Variants in NNT observed in about 807,000 individuals in gnomAD.
The protein encoded by NNT is NAD(P) transhydrogenase, mitochondrial.
A neutral mutation model predicts 104.8 loss-of-function variants in NNT; 50 were observed. That is an observed-to-expected ratio of 0.48 (90% CI 0.38 to 0.60). NNT has a LOEUF of 0.60. NNT is among the 20% of genes least tolerant of loss of function. The pLI is 0.00. For synonymous variants in NNT, 461 were observed against 490.4 expected, an observed-to-expected ratio of 0.94 and a Z score of 0.79; for missense variants, 1,131 against 1,330.7, an observed-to-expected ratio of 0.85 and a Z score of 2.33.
At position 43,649,021 on chromosome 5, in the gene NNT, G is replaced by A. The variant is rs1284772648; in HGVS notation, c.1445-126G>A. The A allele has an allele frequency of 3.7e-6, 4 of 1,079,782 alleles. No homozygotes were observed. In the African/African-American group the frequency reaches 6.3e-5, roughly 17 times the overall value. 66.9% of individuals were successfully genotyped at this position (1,079,782 alleles called of 1,614,324 possible). On this transcript the variant is annotated intron_variant, in intron 10 of 21. Transcript: ENST00000344920. The stretch of plus-strand genomic sequence containing the variant: ...CAACTGTCAAATGTCTAAAAAATCT[G>A]CTCATTACTGGCAAGGGAGTGGAAT...
At chr5:43,622,603 A>C (rs1276454477) in intron 5 of NNT, among the ~76,000 whole-genome samples, 1 of 152,170 alleles carries the variant, frequency 6.6e-6, no homozygotes, top group Non-Finnish European at 1.5e-5. Context: ...ACGGTGTAAC[A>C]GTTAGCAGTA....
intron 6 of NNT, among the ~76,000 whole-genome samples, chr5:43,627,969 A>G (rs1750456927): frequency 6.6e-6 from 1 of 152,180 alleles, no homozygotes; most frequent in Non-Finnish European, 1.5e-5. Flanking sequence ...CAACTTAACT[A>G]AGTAGAAGTT....
intron 7 of NNT, among the ~76,000 whole-genome samples, chr5:43,642,186 T>C (rs1051332434): frequency 1.3e-5 from 2 of 152,052 alleles, no homozygotes; most frequent in African/African-American, 4.8e-5. Flanking sequence ...AGCTGATAAA[T>C]AGAGAAGAGG....
intron 7 of NNT, among the ~76,000 whole-genome samples, chr5:43,631,168 G>T (rs1358272961): frequency 6.6e-6 from 1 of 152,196 alleles, no homozygotes; most frequent in Non-Finnish European, 1.5e-5. Context: ...ACAGGTAGGA[G>T]TCTGATATGG....
intron 7 of NNT, among the ~76,000 whole-genome samples, chr5:43,632,491 C>T (rs1382274066): frequency 6.6e-6 from 1 of 152,134 alleles, no homozygotes; most frequent in South Asian, 2.1e-4. Flanking sequence ...CTTGTACTTA[C>T]GTAGATTGTA....
chr5:43,612,741 A>C (rs1749562649), intron 2 of NNT, among the ~76,000 whole-genome samples, 167 bp from the exon 3 acceptor site: 1 of 152,228 alleles, frequency 6.6e-6, no homozygotes, highest in East Asian at 1.9e-4. Context: ...ACAAAAGTCA[A>C]AGAATTATAA....
In NNT at chr5:43,645,337, T is replaced by C. The variant is rs965449389; in HGVS notation, c.1291-20T>C. 1.4e-6 allele frequency: 2 copies of C among 1,420,496 alleles called. No homozygotes were observed. The highest frequency in any genetic ancestry group is 1.9e-6 in the Non-Finnish European group (2 of 1,078,782). 88.0% of individuals were successfully genotyped at this position (1,420,496 alleles called of 1,614,324 possible). On this transcript the variant is annotated intron_variant, in intron 9 of 21. Coordinates refer to ENST00000344920, the MANE Select transcript of NNT (RefSeq NM_182977.3). Reference sequence around the variant, plus strand: ...GCTGGATTGACTTTTTAATACGTACTATTTTTTAATGTCTATTAGGATGGT... The same window carrying C: ...GCTGGATTGACTTTTTAATACGTACCATTTTTTAATGTCTATTAGGATGGT...
chr5:43,668,129 T>G (rs1237030055), intron 17 of NNT, among the ~76,000 whole-genome samples: 2 of 152,218 alleles, frequency 1.3e-5, no homozygotes, highest in Non-Finnish European at 2.9e-5. Flanking sequence ...TGTTTTTTTC[T>G]TGTAAATTTG....
At chr5:43,641,584 G>A (rs1273194963) in intron 7 of NNT, among the ~76,000 whole-genome samples, 3 of 151,924 alleles carry the variant, frequency 2.0e-5, no homozygotes, top group African/African-American at 7.3e-5. Flanking sequence ...ATTAATCTAT[G>A]TATATATAAA....
intron 17 of NNT, among the ~76,000 whole-genome samples, chr5:43,672,331 C>G (rs1741151587): frequency 1.3e-5 from 2 of 152,250 alleles, no homozygotes; most frequent in African/African-American, 4.8e-5. Context: ...TGGCGAGGAG[C>G]TGCGTTCCTT....
intron 19 of NNT, among the ~76,000 whole-genome samples, chr5:43,689,925 A>G (rs1580120125): frequency 6.6e-6 from 1 of 152,302 alleles, no homozygotes; most frequent in East Asian, 1.9e-4. Flanking sequence ...TTCAGAGATC[A>G]AAGATAAGCC....
At chr5:43,700,604 G>A (rs1035230369) in intron 20 of NNT, among the ~76,000 whole-genome samples, 8 of 152,146 alleles carry the variant, frequency 5.3e-5, no homozygotes, top group Non-Finnish European at 1.0e-4. Context: ...TGCTTCTGTT[G>A]ATAATTTAGT....
At position 43,649,167 on chromosome 5, in the gene NNT, T is replaced by A; in HGVS notation, c.1465T>A (p.Leu489Met). 1 of 1,614,176 alleles carries A rather than the reference T, an allele frequency of 6.2e-7. No homozygotes were observed. The highest frequency in any genetic ancestry group is 8.5e-7 in the Non-Finnish European group (1 of 1,180,002). Reference sequence around the variant, plus strand: ...TCTAGGTCTCACAGGGATACTGGGTTTGGGCATTGCGGCTCCCAATCTAGC... The same window carrying A: ...TCTAGGTCTCACAGGGATACTGGGTATGGGCATTGCGGCTCCCAATCTAGC... The part of the protein sequence containing the change: ...YTAGLTGILG[L>M]GIAAPNLAFS... Residue 489 changes from leucine to methionine, a missense_variant, in exon 11 of 22, where the codon TTG becomes ATG. Transcript: ENST00000344920.
At chr5:43,649,044 AATTTAAAAGCATTGGCT>A in intron 10 of NNT, 86 bp from the exon 11 acceptor site, 1 of 1,312,670 alleles carries the variant, frequency 7.6e-7, no homozygotes, top group South Asian at 1.4e-5. Context: ...AAGGGAGTGG[AATTTAAAAGCATTGGCT>A]ATTCCACATA....
At chr5:43,637,476 A>G (rs1054811792) in intron 7 of NNT, among the ~76,000 whole-genome samples, 2 of 152,142 alleles carry the variant, frequency 1.3e-5, no homozygotes, top group Non-Finnish European at 2.9e-5. Flanking sequence ...AGCTGCCAGA[A>G]ACAGAAATTC....
intron 17 of NNT, among the ~76,000 whole-genome samples, chr5:43,672,920 G>A (rs1420503966): frequency 2.6e-5 from 4 of 152,216 alleles, no homozygotes. Flanking sequence ...CTTGAGCTGC[G>A]GTGGGCTCCA....
At position 43,615,915 on chromosome 5, in the gene NNT, C is replaced by G. The variant is rs775681133; in HGVS notation, c.449C>G (p.Thr150Arg). 1.1e-5 allele frequency: 17 copies of G among 1,613,982 alleles called. No homozygotes were observed. Among genetic ancestry groups the G allele is most frequent in the African/African-American group, 1.3e-5 (1 of 74,898 alleles). ...GCTGACCTTTTAAAGACATCAGGAA[C>G]GCTGATTAGTTTTATTTACCCAGCC... ...HEADLLKTSG[T>R]LISFIYPAQN... The change falls in exon 4 of 22, where the codon ACG (threonine) becomes AGG (arginine). Residue 150 changes from threonine to arginine, a missense_variant. Transcript: ENST00000344920.
chr5:43,653,269 T>C, intron 14 of NNT, 56 bp downstream of exon 14: 1 of 1,475,198 alleles, frequency 6.8e-7, no homozygotes, highest in Non-Finnish European at 9.2e-7. Flanking sequence ...AATATATATT[T>C]CTAAGGTCCA....
chr5:43,622,297 G>T (rs1750141142), intron 5 of NNT, among the ~76,000 whole-genome samples: 1 of 152,214 alleles, frequency 6.6e-6, no homozygotes, highest in Non-Finnish European at 1.5e-5. Context: ...AAACAATTGT[G>T]CATAGTTACT....
Sources: allele counts gnomAD v4.1 joint callset (sites outside exome capture counted in the v4.1 genomes callset), GRCh38; gene constraint gnomAD v4.1.1; transcripts MANE v1.5; gene names NCBI Gene and HGNC (gene_info 2026-07-23, HGNC 2026-07-21).